The following FANCM variants were observed in gnomAD, a reference collection of about 807,000 sequenced individuals.
FANCM encodes the protein Fanconi anemia group M protein.
In FANCM, 140 loss-of-function variants were observed where a neutral mutation model predicts 199.5. The observed-to-expected ratio is 0.70, with a 90% confidence interval of 0.61 to 0.81. The LOEUF (loss-of-function observed/expected upper bound fraction) is 0.81, where lower values mean the gene tolerates loss of function less well. Ranked by LOEUF, FANCM falls within the 30% of genes least tolerant of loss-of-function variation. FANCM has a pLI of 0.00. For synonymous variants in FANCM, 840 were observed against 836.8 expected (o/e 1.00, Z -0.07); for missense variants, 2,410 against 2,421.4 (o/e 1.00, Z 0.10).
At chr14:45,197,013 T>G (rs1890095723) in intron 21 of FANCM, among the ~76,000 whole-genome samples, 1 of 152,234 alleles carries the variant, frequency 6.6e-6, no homozygotes, top group Non-Finnish European at 1.5e-5. Context: ...AAGTTCAATT[T>G]TGAACACGTT....
rs577570968 is a variant in FANCM at position 45,181,484 on chromosome 14, A to G, written c.4277A>G (p.Lys1426Arg). 7 of 1,608,636 alleles carry G rather than the reference A, an allele frequency of 4.4e-6. No individual in the cohort carries two copies. The South Asian group carries it at 6.6e-5, about 15-fold the overall frequency. Residue 1426 changes from lysine (K) to arginine (R), a missense_variant, in exon 15 of 23, where the codon AAA becomes AGA. By Grantham distance (26) the Lys-to-Arg change is conservative. Transcript: ENST00000267430. The part of the protein sequence containing the change: ...ESEDDEIFRR[K>R]VKRAKGNVLN... ...GAAGATGACGAGATTTTCCGAAGAA[A>G]AGTTAAAAGAGCAAAAGGAAATGTT... is the stretch of plus-strand genomic sequence containing the variant.
At chr14:45,142,899 A>T (rs1037082871) in intron 3 of FANCM, among the ~76,000 whole-genome samples, 1 of 152,046 alleles carries the variant, frequency 6.6e-6, no homozygotes, top group Non-Finnish European at 1.5e-5. Context: ...TTTGTAATTA[A>T]TAACTGTCTT....
intron 8 of FANCM, among the ~76,000 whole-genome samples, chr14:45,158,634 C>T (rs1409454481): frequency 6.6e-6 from 1 of 152,152 alleles, no homozygotes; most frequent in Non-Finnish European, 1.5e-5. Context: ...TTCTGTGCTT[C>T]TGGCCATCTT....
Position 45,198,652 on chromosome 14 carries a change from T to A in FANCM, c.5725T>A (p.Ser1909Thr). The A allele has an allele frequency of 6.2e-7, 1 of 1,610,500 alleles. No individual in the cohort carries two copies. The highest frequency in any genetic ancestry group is 8.5e-7 in the Non-Finnish European group (1 of 1,177,310). ...EKDREKTGDTSRMFRRTKSYD... is the reference protein window; with the variant it reads ...EKDREKTGDTTRMFRRTKSYD... ...TAAATATGAATATTTAGGAGACACA[T>A]CAAGGATGTTTAGGAGAACAAAGAG... Residue 1909 changes from serine to threonine, a missense_variant, in exon 22 of 23, where the codon TCA (serine) becomes ACA (threonine). Physicochemically the swap from Ser to Thr is moderately conservative, Grantham distance 58 (BLOSUM62 1). Coordinates refer to ENST00000267430, the MANE Select transcript of FANCM (RefSeq NM_020937.4).
intron 10 of FANCM, among the ~76,000 whole-genome samples, 184 bp downstream of exon 10, chr14:45,164,749 T>C (rs1887847093): frequency 6.6e-6 from 1 of 152,240 alleles, no homozygotes; most frequent in Non-Finnish European, 1.5e-5. Flanking sequence ...GTCAGTTTGC[T>C]AATTTTTATC....
chr14:45,175,688 T>C lies in FANCM; in HGVS notation c.2934T>C (p.Asn978=). The part of the protein sequence containing the change: ...YIVRTDDQFY[N]CHSLTKEVLA... ...TTAGAACAGATGACCAATTTTATAATTGTCACTCATTGACAAAAGAGGTAC... is the reference window on the plus strand; with the variant it reads ...TTAGAACAGATGACCAATTTTATAACTGTCACTCATTGACAAAAGAGGTAC... Residue 978 remains asparagine (N), a synonymous_variant, in exon 14 of 23, where the codon AAT becomes AAC. Transcript: ENST00000267430. 1.2e-6 allele frequency: 2 copies of C among 1,613,742 alleles called. No individual in the cohort carries two copies. Among genetic ancestry groups the C allele is most frequent in the Admixed American group, 1.7e-5 (1 of 60,020 alleles).
At position 45,196,485 on chromosome 14, in the gene FANCM, A is replaced by G; in HGVS notation, c.5654A>G (p.Gln1885Arg). Residue 1885 changes from glutamine (Q) to arginine (R), a missense_variant, in exon 21 of 23, where the codon CAG becomes CGG. Coordinates refer to ENST00000267430, the MANE Select transcript of FANCM (RefSeq NM_020937.4). ...AAGAACAAGTTCATTGAGCAGATCCAGCACCTGCAGAGTATGTTTGAAAGA... is the reference window on the plus strand; with the variant it reads ...AAGAACAAGTTCATTGAGCAGATCCGGCACCTGCAGAGTATGTTTGAAAGA... ...VNKNKFIEQI[Q>R]HLQSMFERIC... 1.2e-6 allele frequency: 2 copies of G among 1,614,108 alleles called. No individual in the cohort carries two copies. Among genetic ancestry groups the G allele is most frequent in the African/African-American group, 2.7e-5 (2 of 75,062 alleles).
intron 11 of FANCM, among the ~76,000 whole-genome samples, chr14:45,169,357 C>T (rs943708711): frequency 5.3e-5 from 8 of 151,404 alleles, no homozygotes; most frequent in African/African-American, 1.9e-4. Flanking sequence ...GAAACAGATG[C>T]AGAGAAGCCT....
rs764519740 is a variant in FANCM at position 45,137,158 on chromosome 14, A to G, written c.598A>G (p.Arg200Gly). 2 of 1,613,734 alleles carry G rather than the reference A, an allele frequency of 1.2e-6. No homozygotes were observed. Among genetic ancestry groups the G allele is most frequent in the Non-Finnish European group, 8.5e-7 (1 of 1,179,762 alleles). Residue 200 changes from arginine to glycine, a missense_variant, in exon 2 of 23, where the codon AGA (arginine) becomes GGA (glycine). Transcript: ENST00000267430. ...TPQVMVNDLS[R>G]GACPAAEIKC... ...TCAGGTCATGGTAAATGACCTTTCT[A>G]GAGGAGCTTGTCCCGCTGCTGAAAT...
In FANCM at chr14:45,156,032, T is replaced by G. The variant is rs1968402; in HGVS notation, c.1396+573T>G. On this transcript the variant is annotated intron_variant, in intron 8 of 22. Transcript: ENST00000267430. ...AAGTGGAGAGTAAAACAATATATAG[T>G]ACCAGTAAAAGAGTAAAGTAGATTA... 5.9e-4 allele frequency among the ~76,000 whole-genome samples: 90 copies of G among 152,210 alleles called. 1 individual carries two copies. In the South Asian group the frequency reaches 0.018, roughly 31 times the overall value.
intron 2 of FANCM, 76 bp from the exon 3 acceptor site, chr14:45,140,556 A>G: frequency 1.3e-6 from 1 of 795,170 alleles, no homozygotes; most frequent in East Asian, 2.4e-5. Context: ...GGGACCATGT[A>G]TAATAGGTTG....
chr14:45,185,908 A>AT (rs1019935526), intron 18 of FANCM, among the ~76,000 whole-genome samples: 2 of 152,012 alleles, frequency 1.3e-5, no homozygotes, highest in African/African-American at 4.8e-5. Flanking sequence ...TTTTAGTTTT[A>AT]TTTTTTTAGA....
intron 2 of FANCM, among the ~76,000 whole-genome samples, chr14:45,138,638 T>A (rs1885696979): frequency 6.6e-6 from 1 of 152,176 alleles, no homozygotes; most frequent in Non-Finnish European, 1.5e-5. Context: ...CACTTAAAAA[T>A]TTTTTAAAAT....
rs1183935509 is a variant in FANCM at position 45,176,656 on chromosome 14, A to T, written c.3902A>T (p.Asp1301Val). The change falls in exon 14 of 23, where the codon GAT (aspartate) becomes GTT (valine). Residue 1301 changes from aspartate (D) to valine (V), a missense_variant. Physicochemically the swap from Asp to Val is radical, Grantham distance 152 (BLOSUM62 -3). Coordinates refer to ENST00000267430, the MANE Select transcript of FANCM (RefSeq NM_020937.4). ...ACTGTTATTATCCCATCAAATGAAG[A>T]TATGCAGAATCCAAATTATGTACAT... is the stretch of plus-strand genomic sequence containing the variant. ...SGTVIIPSNE[D>V]MQNPNYVHLP... 2.5e-6 allele frequency: 4 copies of T among 1,613,808 alleles called. No homozygotes were observed. The highest frequency in any genetic ancestry group is 3.4e-6 in the Non-Finnish European group (4 of 1,179,828).
chr14:45,193,085 CT>C, intron 20 of FANCM, among the ~76,000 whole-genome samples: 1 of 152,318 alleles, frequency 6.6e-6, no homozygotes, highest in South Asian at 2.1e-4. Context: ...CACCTTGTTC[CT>C]TCCCTGTTTC....
At chr14:45,152,771 A>G (rs1160216926) in intron 5 of FANCM, among the ~76,000 whole-genome samples, 1 of 152,242 alleles carries the variant, frequency 6.6e-6, no homozygotes, top group Admixed American at 6.5e-5. Context: ...ACCGGATATG[A>G]TAATATAGGT....
intron 12 of FANCM, among the ~76,000 whole-genome samples, chr14:45,170,965 G>A (rs1343626218): frequency 6.6e-6 from 1 of 152,026 alleles, no homozygotes; most frequent in Non-Finnish European, 1.5e-5. Context: ...ATTATTTATT[G>A]TATATATGTA....
chr14:45,142,636 T>C (rs1028211140), intron 3 of FANCM, among the ~76,000 whole-genome samples: 8 of 152,008 alleles, frequency 5.3e-5, no homozygotes, highest in Non-Finnish European at 1.2e-4. Flanking sequence ...TTCCATGACC[T>C]TGATGCTTTT....
At chr14:45,165,294 A>G (rs1389715442) in intron 10 of FANCM, among the ~76,000 whole-genome samples, 1 of 152,212 alleles carries the variant, frequency 6.6e-6, no homozygotes, top group Non-Finnish European at 1.5e-5. Flanking sequence ...ATGGTGGCTC[A>G]CGCCTGTAAT....
Sources: gnomAD v4.1 joint callset for allele counts (sites outside exome capture counted in the v4.1 genomes callset) on GRCh38, gnomAD v4.1.1 for gene constraint, MANE v1.5 for transcripts, NCBI Gene and HGNC (gene_info 2026-07-23, HGNC 2026-07-21) for gene names.